GCM1: variants seen among roughly 807,000 people sequenced by gnomAD.
GCM1 encodes the protein chorion-specific transcription factor GCMa.
Under a neutral mutation model 25.7 loss-of-function variants are expected in GCM1, and 2 were observed. The observed-to-expected ratio is 0.08, with a 90% CI of 0.03 to 0.24. The LOEUF (loss-of-function observed/expected upper bound fraction) is 0.24. Among genes scored for constraint, GCM1 ranks in the 10% least tolerant of loss-of-function variants. The pLI is 1.00. For synonymous variants in GCM1, 183 were observed against 195.7 expected, an observed-to-expected ratio of 0.94 and a Z score of 0.54; for missense variants, 395 against 538.7, an observed-to-expected ratio of 0.73 and a Z score of 2.64.
Position 53,128,839 on chromosome 6 carries a change from A to G in GCM1, c.678T>C (p.Thr226=). ...AATCATTTAGTGAGTTCTGCTGAGG[A>G]GTGTTAGCTATTAAATGTCCACTGT... ...GSYSGHLIAN[T]PQQNSLNDCF... The change falls in exon 6 of 6, where the codon ACT becomes ACC. Residue 226 remains threonine (T), a synonymous_variant. Transcript: ENST00000259803. 1 of 1,613,322 alleles carries G rather than the reference A, an allele frequency of 6.2e-7. No individual in the cohort carries two copies. The highest frequency in any genetic ancestry group is 8.5e-7 in the Non-Finnish European group (1 of 1,179,258).
At chr6:53,140,422 C>T (rs1390636069) in intron 2 of GCM1, among the ~76,000 whole-genome samples, 1 of 147,390 alleles carries the variant, frequency 6.8e-6, no homozygotes, top group Non-Finnish European at 1.5e-5. Flanking sequence ...TTTGCAGAGA[C>T]AAAGGAAGTT....
At position 53,134,153 on chromosome 6, in the gene GCM1, C is replaced by T. The variant is rs370349714; in HGVS notation, c.247G>A (p.Gly83Ser). The change falls in exon 3 of 6, where the codon GGC becomes AGC. Residue 83 changes from glycine to serine, a missense_variant. By Grantham distance (56) the Gly-to-Ser change is moderately conservative. Around this residue, in one of 5 missense-constraint regions of GCM1, gnomAD observed 21 missense variants for 22.9 expected, o/e 0.92. Transcript: ENST00000259803. ...KKSCLGVVVCGRDCLAEEGRK... is the reference protein window; with the variant it reads ...KKSCLGVVVCSRDCLAEEGRK... ...CCCTCCTCTGCGAGACAGTCGCGGC[C>T]GCACACCACCACACCCAGGCAGGAC... 116 of 1,614,094 alleles carry T rather than the reference C, an allele frequency of 7.2e-5. 1 individual carries two copies. In the South Asian group the frequency reaches 7.4e-4, roughly 10 times the overall value.
intron 2 of GCM1, among the ~76,000 whole-genome samples, chr6:53,136,842 G>A (rs1041031894): frequency 5.9e-5 from 9 of 152,136 alleles, no homozygotes; most frequent in African/African-American, 2.2e-4. Flanking sequence ...CAGGTGTGGT[G>A]GCGGGCACCA....
At chr6:53,145,006 A>G (rs945152509) in intron 2 of GCM1, among the ~76,000 whole-genome samples, 1 of 151,740 alleles carries the variant, frequency 6.6e-6, no homozygotes, top group East Asian at 1.9e-4. Context: ...AAGAAAGAAA[A>G]AAAGAAAGAA....
At chr6:53,146,194 T>TTTTA (rs1483698778) in intron 1 of GCM1, among the ~76,000 whole-genome samples, 2 of 100,946 alleles carry the variant, frequency 2.0e-5, no homozygotes, top group East Asian at 3.0e-4. Flanking sequence ...CATATATGTT[T>TTTTA]TATATATATA....
At chr6:53,148,702 C>G (rs1000170273) in intron 1 of GCM1, 52 bp downstream of exon 1, 1 of 152,146 alleles carries the variant, frequency 6.6e-6, no homozygotes, top group African/African-American at 2.4e-5. Flanking sequence ...ATAGAGTGGT[C>G]GTTGCCACAT....
chr6:53,134,382 C>A (rs1763769006), intron 2 of GCM1, 58 bp from the exon 3 acceptor site: 1 of 1,531,688 alleles, frequency 6.5e-7, no homozygotes, highest in Non-Finnish European at 9.0e-7. Context: ...AGCTGTCACC[C>A]ACTGTGGAGT....
chr6:53,133,044 C>A (rs374298211), intron 3 of GCM1, among the ~76,000 whole-genome samples: 1 of 152,316 alleles, frequency 6.6e-6, no homozygotes, highest in Non-Finnish European at 1.5e-5. Context: ...AGCTGCCACT[C>A]CACATTAATG....
At chr6:53,131,433 G>T (rs1362989455) in intron 4 of GCM1, among the ~76,000 whole-genome samples, 3 of 152,218 alleles carry the variant, frequency 2.0e-5, no homozygotes, top group Non-Finnish European at 2.9e-5. Context: ...AAAAATGACT[G>T]CTGGCTTGAA....
At chr6:53,144,697 T>C (rs1291784179) in intron 2 of GCM1, among the ~76,000 whole-genome samples, 1 of 151,680 alleles carries the variant, frequency 6.6e-6, no homozygotes, top group African/African-American at 2.4e-5. Context: ...GGGAGATCAC[T>C]TGAGCCCAGG....
At chr6:53,133,349 G>GTA (rs1461297536) in intron 3 of GCM1, among the ~76,000 whole-genome samples, 3 of 151,462 alleles carry the variant, frequency 2.0e-5, no homozygotes, top group African/African-American at 7.3e-5. Context: ...GTGTGTGTGT[G>GTA]TGTGTGTGTG....
chr6:53,142,723 G>T (rs1054845920), intron 2 of GCM1, among the ~76,000 whole-genome samples: 4 of 151,718 alleles, frequency 2.6e-5, no homozygotes, highest in Non-Finnish European at 5.9e-5. Flanking sequence ...TTTCATACAC[G>T]TCAGGCACTG....
chr6:53,132,979 C>G (rs902898107), intron 3 of GCM1, among the ~76,000 whole-genome samples: 4 of 152,160 alleles, frequency 2.6e-5, no homozygotes, highest in African/African-American at 9.7e-5. Flanking sequence ...ACAAATATCT[C>G]AGCACGTGAT....
At position 53,147,476 on chromosome 6, in the gene GCM1, TG is replaced by T. The variant is rs552890808; in HGVS notation, c.-137+1277del. 6.7e-3 allele frequency among the ~76,000 whole-genome samples: 978 copies of T among 145,774 alleles called. 8 individuals carry two copies. The highest frequency in any genetic ancestry group is 0.022 in the African/African-American group (899 of 39,998). The stretch of plus-strand genomic sequence containing the variant: ...GGAGTCTTACTCTTATCACCCAGGC[TG>T]GAGTGCAGTGGCGCAATCTCAGCTC... On this transcript the variant is annotated intron_variant, in intron 1 of 5. Transcript: ENST00000259803.
At chr6:53,130,664 A>C (rs1581848914) in intron 5 of GCM1, 139 bp downstream of exon 5, 3 of 618,106 alleles carry the variant, frequency 4.9e-6, no homozygotes, top group Non-Finnish European at 2.8e-6. Context: ...TTTCTTTAGC[A>C]GATGCTTGTT....
intron 5 of GCM1, among the ~76,000 whole-genome samples, chr6:53,130,142 A>G (rs199689211): frequency 6.6e-6 from 1 of 152,206 alleles, no homozygotes; most frequent in Non-Finnish European, 1.5e-5. Context: ...AAGTACATTT[A>G]CAGCCTCTAG....
In GCM1 at chr6:53,131,000, A is replaced by G. The variant is rs75401534; in HGVS notation, c.442-69T>C. 3.3e-3 allele frequency: 4,666 copies of G among 1,433,032 alleles called. 116 individuals carry two copies. The African/African-American group carries it at 0.055, about 17-fold the overall frequency. The allele number at this position is 1,433,032 out of a possible 1,614,324, so 88.8% of individuals were successfully genotyped here. On this transcript the variant is annotated intron_variant, in intron 4 of 5. Transcript: ENST00000259803. ...ACTAGACTGTGTTTCATGGTGTATC[A>G]GTTTTTATTTACTGTGTGTCCTGCC...
chr6:53,145,466 A>T (rs1156829401), intron 2 of GCM1, 92 bp downstream of exon 2: 9 of 784,716 alleles, frequency 1.1e-5, no homozygotes, highest in African/African-American at 1.0e-4. Context: ...CCCAGCTGGA[A>T]TCCTCACCAA....
Position 53,127,384 on chromosome 6 carries a change from A to G in GCM1, c.*822T>C, listed in dbSNP as rs777482042. ...CTAGAAAACATATATTTTACACACT[A>G]GTCTCACAACTAGACAACATATTCA... On this transcript the variant is annotated 3_prime_UTR_variant, in exon 6 of 6. Transcript: ENST00000259803. 1.3e-5 allele frequency: 2 copies of G among 152,242 alleles called. No individual in the cohort carries two copies. The highest frequency in any genetic ancestry group is 2.9e-5 in the Non-Finnish European group (2 of 68,038). 9.4% of individuals were successfully genotyped at this position (152,242 alleles called of 1,614,324 possible). A position where few individuals can be genotyped will look rare whatever the true frequency, so the allele number is the denominator to read the frequency against.
Sources: gnomAD v4.1 joint callset for allele counts (sites outside exome capture counted in the v4.1 genomes callset) on GRCh38, gnomAD v4.1.1 for gene constraint, gnomAD v4.1.1 regional missense constraint, MANE v1.5 for transcripts, NCBI Gene and HGNC (gene_info 2026-07-23, HGNC 2026-07-21) for gene names.